The following TMEM132C variants were observed in gnomAD, a reference collection of about 807,000 sequenced individuals.
TMEM132C encodes transmembrane protein 132C.
Under a neutral mutation model 61.4 loss-of-function variants are expected in TMEM132C, and 29 were observed. The observed-to-expected ratio is 0.47, with a 90% CI of 0.35 to 0.64. The LOEUF (loss-of-function observed/expected upper bound fraction) is 0.64, where lower values mean the gene tolerates loss of function less well. TMEM132C is among the 30% of genes least tolerant of loss of function. The pLI is 0.00. For missense variants in TMEM132C, 1,408 were observed against 1,476.9 expected, an observed-to-expected ratio of 0.95 and a Z score of 0.76; for synonymous variants, 656 against 633.1, an observed-to-expected ratio of 1.04 and a Z score of -0.54.
chr12:128,657,855 G>A (rs915123313), intron 4 of TMEM132C, among the ~76,000 whole-genome samples: 3 of 152,260 alleles, frequency 2.0e-5, no homozygotes, highest in African/African-American at 7.2e-5. Flanking sequence ...CTGGGATGAA[G>A]TTGGATGGGG....
intron 8 of TMEM132C, 56 bp from the exon 9 acceptor site, chr12:128,705,034 T>C (rs1954826372): frequency 1.4e-6 from 2 of 1,447,854 alleles, no homozygotes; most frequent in Non-Finnish European, 9.1e-7. Context: ...TAGGAGGGGG[T>C]TTCTAAGGGA....
At chr12:128,692,380 A>G (rs914905529) in intron 5 of TMEM132C, among the ~76,000 whole-genome samples, 7 of 152,206 alleles carry the variant, frequency 4.6e-5, no homozygotes, top group African/African-American at 1.7e-4. Flanking sequence ...AACACAATGT[A>G]CTTTTTGCCT....
At chr12:128,400,438 G>C (rs566080658) in intron 1 of TMEM132C, among the ~76,000 whole-genome samples, 1 of 152,294 alleles carries the variant, frequency 6.6e-6, no homozygotes, top group African/African-American at 2.4e-5. Flanking sequence ...CCTTGGCCCA[G>C]TTTGGCCAGG....
In TMEM132C at chr12:128,705,753, G is replaced by A. The variant is rs187732790; in HGVS notation, c.2785G>A (p.Ala929Thr). The change falls in exon 9 of 9, where the codon GCC becomes ACC. Residue 929 changes from alanine (A) to threonine (T), a missense_variant. Transcript: ENST00000435159. ...GLSDLEIGMY[A>T]LLGVFCLAIL... ...GAGTGATCTGGAGATAGGGATGTAC[G>A]CCCTCCTGGGGGTGTTCTGCCTGGC... 2.3e-5 allele frequency: 35 copies of A among 1,551,448 alleles called. No individual in the cohort carries two copies. Among genetic ancestry groups the A allele is most frequent in the African/African-American group, 5.5e-5 (4 of 73,162 alleles).
At chr12:128,547,057 T>C (rs2136151740) in intron 3 of TMEM132C, among the ~76,000 whole-genome samples, 1 of 152,310 alleles carries the variant, frequency 6.6e-6, no homozygotes, top group South Asian at 2.1e-4. Context: ...CCCATGGAGC[T>C]TTCTTGGTAG....
intron 2 of TMEM132C, among the ~76,000 whole-genome samples, chr12:128,451,914 C>A (rs1484272360): frequency 6.6e-6 from 1 of 151,592 alleles, no homozygotes; most frequent in African/African-American, 2.4e-5. Flanking sequence ...TGGACGACCA[C>A]CAGACAACAA....
In TMEM132C at chr12:128,697,227, T is replaced by A. The variant is rs772054495; in HGVS notation, c.1933T>A (p.Leu645Met). ...REVGMTTIQV[L>M]SPLSDSILAE... ...TTGTGTCCTGCCAATCCCACAGGTGTTGTCTCCACTGTCTGACTCCATCCT... is the reference window on the plus strand; with the variant it reads ...TTGTGTCCTGCCAATCCCACAGGTGATGTCTCCACTGTCTGACTCCATCCT... The change falls in exon 8 of 9, where the codon TTG becomes ATG. Residue 645 changes from leucine (L) to methionine (M), a missense_variant. Coordinates refer to ENST00000435159, the MANE Select transcript of TMEM132C (RefSeq NM_001136103.3). The A allele has an allele frequency of 6.6e-7, 1 of 1,509,622 alleles. No individual in the cohort carries two copies. Among genetic ancestry groups the A allele is most frequent in the South Asian group, 1.2e-5 (1 of 80,028 alleles). The allele number at this position is 1,509,622 out of a possible 1,614,324, so 93.5% of individuals were successfully genotyped here.
intron 4 of TMEM132C, among the ~76,000 whole-genome samples, chr12:128,647,259 C>T (rs1435643389): frequency 8.1e-6 from 1 of 123,330 alleles, no homozygotes; most frequent in African/African-American, 3.0e-5. Flanking sequence ...TTTACTAGAT[C>T]CCATCAGTGT....
intron 2 of TMEM132C, among the ~76,000 whole-genome samples, chr12:128,428,772 A>G (rs1869283388): frequency 6.6e-6 from 1 of 152,100 alleles, no homozygotes; most frequent in Admixed American, 6.5e-5. Flanking sequence ...CTGCACCTAC[A>G]GTTTTCTAGC....
At chr12:128,606,528 A>T (rs1876433518) in intron 3 of TMEM132C, among the ~76,000 whole-genome samples, 1 of 152,248 alleles carries the variant, frequency 6.6e-6, no homozygotes, top group Non-Finnish European at 1.5e-5. Context: ...CATTTTTAAA[A>T]AATCCAAACT....
intron 2 of TMEM132C, among the ~76,000 whole-genome samples, chr12:128,482,114 A>G (rs1871331436): frequency 6.6e-6 from 1 of 152,064 alleles, no homozygotes; most frequent in Non-Finnish European, 1.5e-5. Context: ...GGGGTGTTGA[A>G]TTTTATCGAA....
chr12:128,409,051 G>A (rs1008041812), intron 1 of TMEM132C, among the ~76,000 whole-genome samples: 4 of 152,130 alleles, frequency 2.6e-5, no homozygotes, highest in African/African-American at 9.7e-5. Context: ...GCTTGTTTGG[G>A]TTTTCTGGGG....
chr12:128,507,408 T>C (rs1396610238), intron 2 of TMEM132C, among the ~76,000 whole-genome samples: 30 of 148,612 alleles, frequency 2.0e-4, no homozygotes, highest in Admixed American at 3.3e-4. Context: ...CTTTCTTTTT[T>C]TTTTTTTTTT....
chr12:128,499,270 A>G (rs1221575056), intron 2 of TMEM132C, among the ~76,000 whole-genome samples: 1 of 152,144 alleles, frequency 6.6e-6, no homozygotes, highest in Non-Finnish European at 1.5e-5. Flanking sequence ...GTAAGTTTTT[A>G]ATTATTCTGG....
chr12:128,627,790 G>A (rs564915954), intron 4 of TMEM132C, among the ~76,000 whole-genome samples: 22 of 152,218 alleles, frequency 1.4e-4, no homozygotes, highest in African/African-American at 4.6e-4. Flanking sequence ...AGCTCCCTCC[G>A]CCGAGGAGTC....
At chr12:128,284,767 A>G (rs1236932113) in intron 1 of TMEM132C, among the ~76,000 whole-genome samples, 1 of 152,216 alleles carries the variant, frequency 6.6e-6, no homozygotes, top group Non-Finnish European at 1.5e-5. Context: ...AATGATATAG[A>G]TGAATTTGGG....
chr12:128,489,495 G>C (rs538333656), intron 2 of TMEM132C, among the ~76,000 whole-genome samples: 1 of 151,296 alleles, frequency 6.6e-6, no homozygotes, highest in South Asian at 2.1e-4. Flanking sequence ...GAGAAGGAGT[G>C]CAGGACAGAC....
chr12:128,662,535 A>C (rs1245614556), intron 4 of TMEM132C, among the ~76,000 whole-genome samples: 1 of 152,158 alleles, frequency 6.6e-6, no homozygotes, highest in Non-Finnish European at 1.5e-5. Flanking sequence ...GGTCAAGAAC[A>C]TATACTCCTG....
rs149892449 is a variant in TMEM132C, at chr12:128,444,748, G to A, written c.974+29128G>A. Among the ~76,000 whole-genome samples the A allele has an allele frequency of 3.7e-4, 56 of 152,296 alleles. 1 individual carries two copies. The East Asian group carries it at 8.3e-3, about 23-fold the overall frequency. Reference sequence around the variant, plus strand: ...TGAGCAAAGACTCAGCAAGTCTTGCGTGGCCCCACGTCCTTGGCGCGGGTG... The same window carrying A: ...TGAGCAAAGACTCAGCAAGTCTTGCATGGCCCCACGTCCTTGGCGCGGGTG... On this transcript the variant is annotated intron_variant, in intron 2 of 8. Transcript: ENST00000435159.
Sources: gnomAD v4.1 joint callset for allele counts (sites outside exome capture counted in the v4.1 genomes callset) on GRCh38, gnomAD v4.1.1 for gene constraint, MANE v1.5 for transcripts, NCBI Gene and HGNC (gene_info 2026-07-23, HGNC 2026-07-21) for gene names.